The following TAS1R1 variants were observed in gnomAD, a reference collection of about 807,000 sequenced individuals.
The protein encoded by TAS1R1 is taste receptor type 1 member 1.
In TAS1R1, 31 loss-of-function variants were observed where a neutral mutation model predicts 45.8. The ratio of observed to expected loss-of-function variants is 0.68; its 90% confidence interval spans 0.51 to 0.91. TAS1R1 has a LOEUF of 0.91. TAS1R1 is among the 40% of genes least tolerant of loss of function. The pLI is 0.00. For synonymous variants in TAS1R1, 437 were observed against 448.4 expected, an observed-to-expected ratio of 0.97 and a Z score of 0.32; for missense variants, 1,051 against 1,063.9, an observed-to-expected ratio of 0.99 and a Z score of 0.17.
chr1:6,558,894 CT>C (rs780826392), intron 1 of TAS1R1, among the ~76,000 whole-genome samples: 230 of 139,950 alleles, frequency 1.6e-3, no homozygotes, highest in Admixed American at 1.8e-3. Context: ...AATTTTTGTA[CT>C]TTTTTTTTTT....
chr1:6,565,769 G>T (rs1639862939), intron 1 of TAS1R1, among the ~76,000 whole-genome samples: 1 of 152,186 alleles, frequency 6.6e-6, no homozygotes, highest in Admixed American at 6.5e-5. Flanking sequence ...GTTGTGAGAA[G>T]AATTTAGAGG....
Position 6,576,423 on chromosome 1 carries a change from G to A in TAS1R1, c.1269G>A (p.Glu423=). 9 of 1,614,200 alleles carry A rather than the reference G, an allele frequency of 5.6e-6. No homozygotes were observed. Among genetic ancestry groups the A allele is most frequent in the Non-Finnish European group, 7.6e-6 (9 of 1,180,034 alleles). The stretch of plus-strand genomic sequence containing the variant: ...ATACGCGTTTCTTTCAGCTTTTGGA[G>A]CAGATCCACAAGGTGCATTTCCTTC... ...RGRVYPWQLL[E]QIHKVHFLLH... Residue 423 remains glutamate (E), a synonymous_variant, in exon 4 of 6, where the codon GAG becomes GAA. Coordinates refer to ENST00000333172, the MANE Select transcript of TAS1R1 (RefSeq NM_138697.4).
rs926332577 is a variant in TAS1R1 at position 6,575,226 on chromosome 1, G to A, written c.1094G>A (p.Arg365Lys). ...GSWCSSNQLC[R>K]ECQAFMAHTM... ...TGGTGCAGCAGCAATCAGCTCTGCAGAGAATGCCAAGCTTTCATGGCACAC... is the reference window on the plus strand; with the variant it reads ...TGGTGCAGCAGCAATCAGCTCTGCAAAGAATGCCAAGCTTTCATGGCACAC... Residue 365 changes from arginine (R) to lysine (K), a missense_variant, in exon 3 of 6, where the codon AGA (arginine) becomes AAA (lysine). Coordinates refer to ENST00000333172, the MANE Select transcript of TAS1R1 (RefSeq NM_138697.4). 2.5e-6 allele frequency: 4 copies of A among 1,613,610 alleles called. No individual in the cohort carries two copies. The highest frequency in any genetic ancestry group is 1.6e-4 in the Middle Eastern group (1 of 6,062).
intron 1 of TAS1R1, among the ~76,000 whole-genome samples, chr1:6,558,054 GTT>G (rs1639717655): frequency 2.1e-5 from 1 of 47,344 alleles, no homozygotes; most frequent in Non-Finnish European, 6.0e-5. Context: ...TTTTGTTTTT[GTT>G]TTTTTTCTGA....
At chr1:6,564,414 T>G (rs921380821) in intron 1 of TAS1R1, among the ~76,000 whole-genome samples, 2 of 152,098 alleles carry the variant, frequency 1.3e-5, no homozygotes, top group Non-Finnish European at 2.9e-5. Context: ...GGGCCTGTTT[T>G]GTAAGAGGAA....
In TAS1R1 at chr1:6,579,400, G is replaced by C. The variant is rs370134113; in HGVS notation, c.2342G>C (p.Ser781Thr). 2.5e-6 allele frequency: 4 copies of C among 1,613,914 alleles called. No individual in the cohort carries two copies. Among genetic ancestry groups the C allele is most frequent in the Non-Finnish European group, 3.4e-6 (4 of 1,180,054 alleles). Residue 781 changes from serine to threonine, a missense_variant, in exon 6 of 6, where the codon AGC (serine) becomes ACC (threonine). Coordinates refer to ENST00000333172, the MANE Select transcript of TAS1R1 (RefSeq NM_138697.4). ...VSWIAFFTTA[S>T]VYDGKYLPAA... ...TGGATCGCCTTCTTCACCACGGCCA[G>C]CGTCTACGACGGCAAGTACCTGCCT...
At chr1:6,569,235 T>TC (rs1238993857) in intron 1 of TAS1R1, among the ~76,000 whole-genome samples, 1 of 151,980 alleles carries the variant, frequency 6.6e-6, no homozygotes, top group African/African-American at 2.4e-5. Context: ...AGAGGAGTCA[T>TC]CGACTGGGGC....
At chr1:6,561,703 A>C (rs1442401228) in intron 1 of TAS1R1, among the ~76,000 whole-genome samples, 1 of 133,134 alleles carries the variant, frequency 7.5e-6, no homozygotes, top group Non-Finnish European at 1.6e-5. Context: ...CAACAGAACG[A>C]GTTTCCGTCT....
At chr1:6,570,134 C>T (rs1166497816) in intron 1 of TAS1R1, among the ~76,000 whole-genome samples, 3 of 151,880 alleles carry the variant, frequency 2.0e-5, no homozygotes, top group Admixed American at 6.6e-5. Context: ...AGAGAAAGAA[C>T]GAGTAGACCC....
At chr1:6,559,980 A>G (rs1274736372) in intron 1 of TAS1R1, among the ~76,000 whole-genome samples, 2 of 143,066 alleles carry the variant, frequency 1.4e-5, no homozygotes, top group Non-Finnish European at 3.0e-5. Context: ...ACAAGGCAAC[A>G]AGAGTGAAAC....
chr1:6,571,428 C>T (rs571661587), intron 2 of TAS1R1, among the ~76,000 whole-genome samples: 3 of 152,362 alleles, frequency 2.0e-5, no homozygotes, highest in East Asian at 1.9e-4. Context: ...TCCCTGCCTC[C>T]ACTCTCATGG....
intron 1 of TAS1R1, among the ~76,000 whole-genome samples, chr1:6,569,588 C>T (rs1000599276): frequency 1.3e-5 from 2 of 152,072 alleles, no homozygotes; most frequent in Non-Finnish European, 2.9e-5. Flanking sequence ...TCTTAGGAAG[C>T]GTAGAATGAG....
At position 6,555,331 on chromosome 1, in the gene TAS1R1, G is replaced by A. The variant is rs1275032238; in HGVS notation, c.-43G>A. ...TCTATTTAAGCAACTGGCCTCCTTA[G>A]AGGCCACTCCTTGGCCATGCCAGGC... On this transcript the variant is annotated 5_prime_UTR_variant, in exon 1 of 6. Coordinates refer to ENST00000333172, the MANE Select transcript of TAS1R1 (RefSeq NM_138697.4). 6.6e-7 allele frequency: 1 copy of A among 1,513,516 alleles called. No individual in the cohort carries two copies. The highest frequency in any genetic ancestry group is 8.9e-7 in the Non-Finnish European group (1 of 1,127,046). The allele number at this position is 1,513,516 out of a possible 1,614,324, so 93.8% of individuals were successfully genotyped here.
chr1:6,560,393 G>A (rs1192766618), intron 1 of TAS1R1, among the ~76,000 whole-genome samples: 2 of 152,246 alleles, frequency 1.3e-5, no homozygotes, highest in Non-Finnish European at 2.9e-5. Context: ...GGAGGCAACA[G>A]CCCAGGCTTA....
At chr1:6,568,659 T>C (rs1295223516) in intron 1 of TAS1R1, among the ~76,000 whole-genome samples, 4 of 152,026 alleles carry the variant, frequency 2.6e-5, no homozygotes, top group Non-Finnish European at 5.9e-5. Flanking sequence ...GGTAATCATG[T>C]GGTTATGGGA....
chr1:6,556,973 C>T (rs1639697355), intron 1 of TAS1R1, among the ~76,000 whole-genome samples: 1 of 138,480 alleles, frequency 7.2e-6, no homozygotes. Context: ...CACACCATTG[C>T]ATTCCAACCC....
chr1:6,569,725 C>G (rs929967995), intron 1 of TAS1R1, among the ~76,000 whole-genome samples: 6 of 152,252 alleles, frequency 3.9e-5, no homozygotes, highest in Admixed American at 6.5e-5. Context: ...GCCACTGAGA[C>G]AGGCGTCCCT....
chr1:6,571,411 T>A (rs946770653), intron 2 of TAS1R1, among the ~76,000 whole-genome samples, 196 bp downstream of exon 2: 3 of 152,210 alleles, frequency 2.0e-5, no homozygotes, highest in Non-Finnish European at 4.4e-5. Flanking sequence ...CCAGAGCTGC[T>A]TCCAGATCCC....
intron 1 of TAS1R1, among the ~76,000 whole-genome samples, chr1:6,568,505 G>A (rs1039293137): frequency 2.2e-5 from 2 of 90,800 alleles, no homozygotes; most frequent in African/African-American, 7.1e-5. Context: ...GGGAGGCAGT[G>A]TCGATGCAGG....
Sources: gnomAD v4.1 joint callset for allele counts (sites outside exome capture counted in the v4.1 genomes callset) on GRCh38, gnomAD v4.1.1 for gene constraint, MANE v1.5 for transcripts, NCBI Gene and HGNC (gene_info 2026-07-23, HGNC 2026-07-21) for gene names.